ANO3: variants seen among roughly 807,000 people sequenced by gnomAD.
ANO3 encodes anoctamin-3.
In ANO3, 99 loss-of-function variants were observed where a neutral mutation model predicts 144.8. The observed-to-expected ratio is 0.68, with a 90% CI of 0.58 to 0.81. The LOEUF is 0.81. ANO3 is among the 30% of genes least tolerant of loss of function. The probability of loss-of-function intolerance (pLI) is 0.00; values close to 1 mark genes in which losing one functional copy is unlikely to be tolerated. For synonymous variants in ANO3, 414 were observed against 392.6 expected (o/e 1.05, Z -0.64); for missense variants, 905 against 1,202.2 (o/e 0.75, Z 3.66).
At chr11:26,203,213 C>T (rs987669636) in intron 1 of ANO3, among the ~76,000 whole-genome samples, 1 of 152,120 alleles carries the variant, frequency 6.6e-6, no homozygotes, top group Non-Finnish European at 1.5e-5. Context: ...TTTTGCCAAT[C>T]ACATTCAAGT....
intron 24 of ANO3, among the ~76,000 whole-genome samples, chr11:26,651,296 G>T (rs928452957): frequency 2.6e-5 from 4 of 152,126 alleles, no homozygotes; most frequent in Admixed American, 6.6e-5. Flanking sequence ...TTAAAATTCC[G>T]CATTGCAACT....
chr11:26,223,615 A>C lies in ANO3; in HGVS notation c.154+34285A>C, dbSNP rs7929502. Among the ~76,000 whole-genome samples, 1,322 of 151,770 alleles carry C rather than the reference A, an allele frequency of 8.7e-3. 12 individuals are homozygous for C. Among genetic ancestry groups the C allele is most frequent in the African/African-American group, 0.03 (1,239 of 41,396 alleles). ...CTAGCTTTTTAATAAAAAAAAAAAA[A>C]AAAAAAACCCTGAGATTGGGTAATT... is the stretch of plus-strand genomic sequence containing the variant. On this transcript the variant is annotated intron_variant, in intron 1 of 27. Transcript: ENST00000672621.
In ANO3 at chr11:26,563,192, C is replaced by G; in HGVS notation, c.1447+3413C>G. The G allele has an allele frequency of 1.9e-6, 3 of 1,612,252 alleles. No individual in the cohort carries two copies. In the South Asian group the frequency reaches 3.3e-5, roughly 18 times the overall value. Reference sequence around the variant, plus strand: ...TCCTTTTTCCACACAACAAGTAGCCCACAAGAGTAAGCAATGAGACACCCA... The same window carrying G: ...TCCTTTTTCCACACAACAAGTAGCCGACAAGAGTAAGCAATGAGACACCCA... On this transcript the variant is annotated intron_variant, in intron 14 of 26. Coordinates refer to ENST00000256737, the MANE Select transcript of ANO3 (RefSeq NM_031418.4).
At position 26,662,733 on chromosome 11, in the gene ANO3, AAG is replaced by A. The variant is rs1156674807; in HGVS notation, c.*2291_*2292del. ...TTGAAACAGATGTGAAAAACAGAAA[AAG>A]AAAAAATTGTCTGAAATGTTTATTT... On this transcript the variant is annotated 3_prime_UTR_variant, in exon 27 of 27. Coordinates refer to ENST00000256737, the MANE Select transcript of ANO3 (RefSeq NM_031418.4). 2 of 152,246 alleles carry A rather than the reference AAG, an allele frequency of 1.3e-5. No homozygotes were observed. The highest frequency in any genetic ancestry group is 1.9e-4 in the East Asian group (1 of 5,182). The allele number at this position is 152,246 out of a possible 1,614,324, so 9.4% of individuals were successfully genotyped here. A position where few individuals can be genotyped will look rare whatever the true frequency, so the allele number is the denominator to read the frequency against.
intron 1 of ANO3, among the ~76,000 whole-genome samples, chr11:26,221,910 C>T (rs1590201247): frequency 6.6e-6 from 1 of 152,206 alleles, no homozygotes; most frequent in African/African-American, 2.4e-5. Context: ...CCGCCTCCAA[C>T]ACTAGAGGTC....
At chr11:26,285,574 G>T (rs1853787970) in intron 1 of ANO3, 1 of 152,176 alleles carries the variant, frequency 6.6e-6, no homozygotes, top group African/African-American at 2.4e-5. Flanking sequence ...AGCACGTGGA[G>T]TCTTACGGGA....
At chr11:26,524,383 T>C (rs756832619) in intron 6 of ANO3, among the ~76,000 whole-genome samples, 9 of 152,204 alleles carry the variant, frequency 5.9e-5, no homozygotes, top group Admixed American at 2.6e-4. Flanking sequence ...CAGTGAAATA[T>C]GGTATCTCCA....
upstream of ANO3, among the ~76,000 whole-genome samples, chr11:26,328,203 T>C (rs1407543709): frequency 2.6e-5 from 4 of 152,190 alleles, no homozygotes; most frequent in African/African-American, 9.6e-5. Flanking sequence ...CTGGATATCA[T>C]CAGGATGAAT....
At position 26,240,463 on chromosome 11, in the gene ANO3, G is replaced by A. The variant is rs373415259; in HGVS notation, c.154+51133G>A. On this transcript the variant is annotated intron_variant, in intron 1 of 27. Transcript: ENST00000672621. Reference sequence around the variant, plus strand: ...AATAAATATGGGCTATTTCAAAGACGCTGAGTATGTGAAAGCTGAAAACTG... The same window carrying A: ...AATAAATATGGGCTATTTCAAAGACACTGAGTATGTGAAAGCTGAAAACTG... Among the ~76,000 whole-genome samples the A allele has an allele frequency of 6.6e-5, 10 of 152,218 alleles. No individual in the cohort carries two copies. The East Asian group carries it at 7.7e-4, about 12-fold the overall frequency.
At chr11:26,297,149 T>C (rs1406446456) in intron 1 of ANO3, among the ~76,000 whole-genome samples, 1 of 152,020 alleles carries the variant, frequency 6.6e-6, no homozygotes, top group Non-Finnish European at 1.5e-5. Context: ...TTCTTTCTTC[T>C]TCTGGCTGAA....
At chr11:26,408,804 GA>G (rs1857357426) in intron 1 of ANO3, among the ~76,000 whole-genome samples, 1 of 151,886 alleles carries the variant, frequency 6.6e-6, no homozygotes, top group East Asian at 2.0e-4. Context: ...CATAAAAAAT[GA>G]AGAGTTCATG....
At chr11:26,457,470 AT>A (rs1269245184) in intron 3 of ANO3, among the ~76,000 whole-genome samples, 5 of 151,888 alleles carry the variant, frequency 3.3e-5, no homozygotes, top group African/African-American at 4.8e-5. Flanking sequence ...TAAATTACTT[AT>A]TTTTTTGTAG....
At chr11:26,207,886 A>G (rs1851840701) in intron 1 of ANO3, among the ~76,000 whole-genome samples, 2 of 136,560 alleles carry the variant, frequency 1.5e-5, no homozygotes, top group South Asian at 2.3e-4. Flanking sequence ...GAGGATTTAT[A>G]TAATAAATAT....
chr11:26,291,609 G>A (rs1290459881), intron 1 of ANO3, among the ~76,000 whole-genome samples: 2 of 152,226 alleles, frequency 1.3e-5, no homozygotes, highest in Non-Finnish European at 2.9e-5. Context: ...GCCTGGTGGT[G>A]ACAAAATCTC....
At chr11:26,407,090 A>ATATATATG (rs1399721095) in intron 1 of ANO3, among the ~76,000 whole-genome samples, 3 of 143,676 alleles carry the variant, frequency 2.1e-5, no homozygotes, top group Non-Finnish European at 4.6e-5. Context: ...ATATATATAT[A>ATATATATG]TATGTATATA....
At chr11:26,264,523 A>G (rs1853264206) in intron 1 of ANO3, among the ~76,000 whole-genome samples, 1 of 152,180 alleles carries the variant, frequency 6.6e-6, no homozygotes, top group Non-Finnish European at 1.5e-5. Context: ...GTGTGAGGAA[A>G]TTTATCTTTT....
At chr11:26,570,474 G>C (rs1284110743) in intron 14 of ANO3, among the ~76,000 whole-genome samples, 1 of 152,102 alleles carries the variant, frequency 6.6e-6, no homozygotes, top group Non-Finnish European at 1.5e-5. Flanking sequence ...ATAAGGAGAT[G>C]TCCTGGTTTA....
intron 4 of ANO3, among the ~76,000 whole-genome samples, chr11:26,483,353 C>T (rs886376138): frequency 1.5e-4 from 23 of 152,110 alleles, no homozygotes. Context: ...CCACCCAAAT[C>T]GCATGTTGAA....
At chr11:26,546,196 TATA>T (rs2134214900) in intron 11 of ANO3, among the ~76,000 whole-genome samples, 1 of 151,974 alleles carries the variant, frequency 6.6e-6, no homozygotes, top group Admixed American at 6.6e-5. Flanking sequence ...TACCTATTAA[TATA>T]ATAAGTTTCC....
Sources: allele counts gnomAD v4.1 joint callset (sites outside exome capture counted in the v4.1 genomes callset), GRCh38; gene constraint gnomAD v4.1.1; transcripts MANE v1.5; gene names NCBI Gene and HGNC (gene_info 2026-07-23, HGNC 2026-07-21).